The following SPRY3 variants were observed in gnomAD, a reference collection of about 807,000 sequenced individuals.
The protein encoded by SPRY3 is sprouty RTK signaling antagonist 3.
In SPRY3, 15 loss-of-function variants were observed where a neutral mutation model predicts 20.2. The observed-to-expected ratio is 0.74, with a 90% confidence interval of 0.50 to 1.14. The LOEUF (loss-of-function observed/expected upper bound fraction) is 1.14. Ranked by LOEUF, SPRY3 falls within the 50% of genes most tolerant of loss-of-function variation. The pLI is 0.00. For synonymous variants in SPRY3, 143 were observed against 136.5 expected (o/e 1.05, Z -0.33); for missense variants, 364 against 363.9 (o/e 1.00, Z 0.00).
At chrX:155,712,892 C>T (rs1177934864) in intron 2 of SPRY3, among the ~76,000 whole-genome samples, 1 of 151,822 alleles carries the variant, frequency 6.6e-6, no homozygotes, top group Non-Finnish European at 1.5e-5. Context: ...TATCTTATAT[C>T]CCATGATTTT....
intron 1 of SPRY3, among the ~76,000 whole-genome samples, chrX:155,648,230 T>A (rs2067964082): frequency 8.9e-6 from 1 of 112,573 alleles, no homozygotes; most frequent in Admixed American, 9.3e-5. Context: ...TTGCAAACAT[T>A]TTCTCTCATT....
At chrX:155,757,771 C>T (rs1362477534) in intron 2 of SPRY3, among the ~76,000 whole-genome samples, 1 of 152,146 alleles carries the variant, frequency 6.6e-6, no homozygotes, top group Non-Finnish European at 1.5e-5. Context: ...TTCTGATGTG[C>T]AGCCCTGCCT....
intron 2 of SPRY3, among the ~76,000 whole-genome samples, chrX:155,727,069 T>G (rs1265481646): frequency 7.9e-5 from 12 of 152,134 alleles, no homozygotes; most frequent in Non-Finnish European, 8.8e-5. Flanking sequence ...TAAAGCTTAG[T>G]TTGGCTGGAT....
At chrX:155,635,602 C>T (rs1323717574) in intron 1 of SPRY3, among the ~76,000 whole-genome samples, 2 of 111,715 alleles carry the variant, frequency 1.8e-5, no homozygotes, top group South Asian at 3.8e-4. Context: ...AGCCAACAAA[C>T]GTATGAAAAA....
intron 2 of SPRY3, among the ~76,000 whole-genome samples, chrX:155,705,270 C>T (rs1159544605): frequency 1.3e-5 from 2 of 151,382 alleles, no homozygotes; most frequent in Non-Finnish European, 3.0e-5. Context: ...TTGTAAAAGC[C>T]TTACACTTCA....
intron 2 of SPRY3, among the ~76,000 whole-genome samples, chrX:155,752,604 A>G (rs781448400): frequency 6.6e-6 from 1 of 151,894 alleles, no homozygotes; most frequent in Non-Finnish European, 1.5e-5. Context: ...ATGGACAAAG[A>G]ACAAGAAAAT....
intron 2 of SPRY3, among the ~76,000 whole-genome samples, chrX:155,760,002 A>T (rs1373560013): frequency 6.6e-6 from 1 of 152,128 alleles, no homozygotes; most frequent in Non-Finnish European, 1.5e-5. Context: ...CCTAAACTTT[A>T]TGTGCTTTCT....
chrX:155,758,839 G>A (rs1440219404), intron 2 of SPRY3, among the ~76,000 whole-genome samples: 1 of 152,072 alleles, frequency 6.6e-6, no homozygotes, highest in Non-Finnish European at 1.5e-5. Context: ...GGTTCTTTAT[G>A]TCTAATCTAT....
intron 3 of SPRY3, among the ~76,000 whole-genome samples, chrX:155,770,747 C>T (rs1360721388): frequency 5.3e-5 from 8 of 151,920 alleles, no homozygotes; most frequent in South Asian, 2.1e-4. Flanking sequence ...ATTTCTGAAT[C>T]ATAAACATTC....
intron 1 of SPRY3, among the ~76,000 whole-genome samples, chrX:155,615,860 GT>G (rs1478816493): frequency 1.8e-5 from 2 of 111,105 alleles, no homozygotes; most frequent in Non-Finnish European, 3.8e-5. Context: ...CAGTGAAGAA[GT>G]ATTAATTAGG....
At chrX:155,632,143 T>C (rs2067908105) in intron 1 of SPRY3, among the ~76,000 whole-genome samples, 1 of 109,108 alleles carries the variant, frequency 9.2e-6, no homozygotes, top group African/African-American at 3.3e-5. Flanking sequence ...CGTGACATAA[T>C]GTAGAGGAAG....
intron 1 of SPRY3, among the ~76,000 whole-genome samples, chrX:155,631,890 A>G (rs1416134022): frequency 1.8e-5 from 2 of 111,682 alleles, no homozygotes; most frequent in African/African-American, 6.5e-5. Context: ...TGGGATATCC[A>G]TCTTCTCAAG....
chrX:155,774,665 A>G (rs907267491), exon 4 of SPRY3: 9 of 1,614,000 alleles, frequency 5.6e-6, no homozygotes, highest in Non-Finnish European at 5.9e-6. Flanking sequence ...TGCAAGAGGC[A>G]CACCAACACT....
At chrX:155,662,445 C>T (rs2068012620) in intron 2 of SPRY3, among the ~76,000 whole-genome samples, 1 of 110,514 alleles carries the variant, frequency 9.0e-6, no homozygotes, top group Non-Finnish European at 1.9e-5. Context: ...TCTCAGGAAG[C>T]TTATCTCATT....
At chrX:155,645,911 C>T (rs1321551202) in intron 1 of SPRY3, among the ~76,000 whole-genome samples, 2 of 111,581 alleles carry the variant, frequency 1.8e-5, no homozygotes, top group East Asian at 5.7e-4. Context: ...TTGTCCCTCC[C>T]CTCTCCAGAT....
intron 2 of SPRY3, among the ~76,000 whole-genome samples, chrX:155,684,374 C>T (rs1411555850): frequency 1.8e-5 from 2 of 110,951 alleles, no homozygotes; most frequent in African/African-American, 6.6e-5. Flanking sequence ...AGTAGGAACC[C>T]TTCTCCGTCA....
At chrX:155,642,230 G>T (rs2067944255) in intron 1 of SPRY3, among the ~76,000 whole-genome samples, 1 of 111,923 alleles carries the variant, frequency 8.9e-6, no homozygotes, top group East Asian at 2.8e-4. Flanking sequence ...GGTTGTATAT[G>T]TCTAGAAATT....
intron 2 of SPRY3, among the ~76,000 whole-genome samples, chrX:155,709,644 C>T (rs1304733367): frequency 6.6e-6 from 1 of 151,744 alleles, no homozygotes; most frequent in Non-Finnish European, 1.5e-5. Context: ...GTATTCTTTG[C>T]TGTGCAGTAG....
chrX:155,693,776 C>A (rs1358214765), intron 2 of SPRY3, among the ~76,000 whole-genome samples: 2 of 100,514 alleles, frequency 2.0e-5, no homozygotes, highest in Admixed American at 1.1e-4. Flanking sequence ...TACTGATAAT[C>A]TCTGTATTTT....
Sources: gnomAD v4.1 joint callset for allele counts (sites outside exome capture counted in the v4.1 genomes callset) on GRCh38, gnomAD v4.1.1 for gene constraint, MANE v1.5 for transcripts, NCBI Gene and HGNC (gene_info 2026-07-23, HGNC 2026-07-21) for gene names.